Variants in CREBBP observed in about 807,000 individuals in gnomAD.
CREBBP encodes CREB-binding protein.
A neutral mutation model predicts 265.0 loss-of-function variants in CREBBP; 19 were observed. The observed-to-expected ratio is 0.07, with a 90% CI of 0.05 to 0.11. CREBBP has a LOEUF of 0.11. CREBBP is among the 10% of genes least tolerant of loss of function. CREBBP has a pLI of 1.00. For synonymous variants in CREBBP, 1,457 were observed against 1,223.7 expected (o/e 1.19, Z -3.98); for missense variants, 2,525 against 3,219.0 (o/e 0.78, Z 5.22).
Position 3,736,414 on chromosome 16 carries a change from G to GC in CREBBP, c.4561-212dup, listed in dbSNP as rs547004884. 7.4e-4 allele frequency: 548 copies of GC among 743,288 alleles called. 6 individuals carry two copies. In the African/African-American group the frequency reaches 8.5e-3, roughly 11 times the overall value. 46.0% of individuals were successfully genotyped at this position (743,288 alleles called of 1,614,324 possible). ...CTATGTGTGCAACAGTGATGCACAG[G>GC]CCCCAATGCCCACTGATGGAAACAG... is the stretch of plus-strand genomic sequence containing the variant. On this transcript the variant is annotated intron_variant, in intron 27 of 30. Coordinates refer to ENST00000262367, the MANE Select transcript of CREBBP (RefSeq NM_004380.3).
rs2151317962 is a variant in CREBBP, at chr16:3,731,523, A to G, written c.4891-50T>C. The G allele has an allele frequency of 6.4e-7, 1 of 1,553,740 alleles. No individual in the cohort carries two copies. The highest frequency in any genetic ancestry group is 8.7e-7 in the Non-Finnish European group (1 of 1,152,468). On this transcript the variant is annotated intron_variant, in intron 29 of 30. Transcript: ENST00000262367. This position sits in a 1 kb window ranked among gnomAD's most constrained non-coding sequence, Gnocchi z 7.7. The stretch of plus-strand genomic sequence containing the variant: ...CCCACACAAGGGACATGGCACCTCC[A>G]GTGGTGAGCTCAGGGCAGGCGCAGC...
At chr16:3,867,204 T>C (rs539508339) in intron 1 of CREBBP, among the ~76,000 whole-genome samples, 9 of 152,330 alleles carry the variant, frequency 5.9e-5, no homozygotes, top group African/African-American at 1.9e-4. Context: ...AACTTCTGTG[T>C]GAGCTGGCTG....
rs761108496 is a variant in CREBBP at position 3,851,028 on chromosome 16, T to C, written c.86-19A>G. On this transcript the variant is annotated intron_variant, in intron 1 of 30. Coordinates refer to ENST00000262367, the MANE Select transcript of CREBBP (RefSeq NM_004380.3). ...CCAAAATCTAGAAATTAAACAGAAA[T>C]GGAAATGAGAAACTAAGCAACCTTT... is the stretch of plus-strand genomic sequence containing the variant. The C allele has an allele frequency of 6.2e-7, 1 of 1,609,610 alleles. No individual in the cohort carries two copies. Among genetic ancestry groups the C allele is most frequent in the South Asian group, 1.1e-5 (1 of 90,946 alleles).
chr16:3,766,814 A>G (rs1422525311), intron 16 of CREBBP, among the ~76,000 whole-genome samples: 1 of 152,196 alleles, frequency 6.6e-6, no homozygotes, highest in Non-Finnish European at 1.5e-5. Flanking sequence ...GGTGTAAGCC[A>G]CTGTACTCAA....
intron 14 of CREBBP, among the ~76,000 whole-genome samples, chr16:3,769,998 G>A (rs921158645): frequency 1.3e-5 from 2 of 151,984 alleles, no homozygotes; most frequent in African/African-American, 4.8e-5. Context: ...AGCCTCCCGA[G>A]TAGCTGGGAA....
At chr16:3,849,430 T>C (rs1567360161) in intron 2 of CREBBP, among the ~76,000 whole-genome samples, 3 of 8,576 alleles carry the variant, frequency 3.5e-4, no homozygotes, top group African/African-American at 4.5e-4. Context: ...TGTGTGTGTG[T>C]GTGTGTGTGT....
chr16:3,728,205 GC>G lies in CREBBP; in HGVS notation c.6841del (p.Ala2281GlnfsTer21). 2 of 1,613,692 alleles carry G rather than the reference GC, an allele frequency of 1.2e-6. No individual in the cohort carries two copies. ...TTGCTGGATGTTGGGGGTGCTGTCT[GC>G]CCCCAGCCCCGGCTGCCCCATCTGG... The part of the protein sequence containing the change: ...LGQMGQPGLG[A>X]DSTPNIQQAL... On this transcript the variant is annotated frameshift_variant, in exon 31 of 31. Transcript: ENST00000262367. LOFTEE classifies it high-confidence loss of function. This position sits in a 1 kb window ranked among gnomAD's most constrained non-coding sequence, Gnocchi z 8.7.
intron 20 of CREBBP, among the ~76,000 whole-genome samples, chr16:3,750,276 A>C (rs553168531): frequency 6.6e-6 from 1 of 152,344 alleles, no homozygotes; most frequent in South Asian, 2.1e-4. Flanking sequence ...AAGGGAAATA[A>C]ATTGAAAATG....
chr16:3,871,195 T>TCA (rs201848866), intron 1 of CREBBP, among the ~76,000 whole-genome samples: 182 of 79,206 alleles, frequency 2.3e-3, no homozygotes, highest in Middle Eastern at 7.6e-3. Flanking sequence ...TCTCTCTCTC[T>TCA]CACTCACACA....
At chr16:3,735,920 T>C (rs1291731359) in intron 28 of CREBBP, 116 bp downstream of exon 28, 1 of 1,543,510 alleles carries the variant, frequency 6.5e-7, no homozygotes, top group Admixed American at 1.7e-5. Context: ...GACGTGCATG[T>C]GTGAACGGAG....
chr16:3,788,491 A>G (rs1032006029), intron 5 of CREBBP, among the ~76,000 whole-genome samples: 15 of 152,348 alleles, frequency 9.8e-5, no homozygotes, highest in African/African-American at 3.4e-4. Context: ...AAGCCCAGTC[A>G]ACCATGCCAC....
At chr16:3,773,382 T>C (rs561804479) in intron 13 of CREBBP, among the ~76,000 whole-genome samples, 2 of 152,316 alleles carry the variant, frequency 1.3e-5, no homozygotes, top group East Asian at 1.9e-4. Context: ...AGTGAATTCA[T>C]GGGTCCTTCT....
chr16:3,851,682 G>A (rs1426661769), intron 1 of CREBBP, among the ~76,000 whole-genome samples: 8 of 151,636 alleles, frequency 5.3e-5, no homozygotes, highest in Non-Finnish European at 7.4e-5. Flanking sequence ...GTGAAACCCC[G>A]TCTCTAGTAA....
In CREBBP at chr16:3,773,734, C is replaced by T. The variant is rs770030301; in HGVS notation, c.2463+17G>A. 9.9e-6 allele frequency: 16 copies of T among 1,612,990 alleles called. No homozygotes were observed. In the Admixed American group the frequency reaches 1.2e-4, roughly 12 times the overall value. The stretch of plus-strand genomic sequence containing the variant: ...TTTTATTTCCTAGGGAGCCACGGTC[C>T]CAGTGGGGCACAGTACCTGTGACAC... On this transcript the variant is annotated intron_variant, in intron 13 of 30. Coordinates refer to ENST00000262367, the MANE Select transcript of CREBBP (RefSeq NM_004380.3).
chr16:3,729,232 T>G lies in CREBBP; in HGVS notation c.5815A>C (p.Thr1939Pro), dbSNP rs2151308030. The G allele has an allele frequency of 1.3e-6, 2 of 1,528,448 alleles. No homozygotes were observed. The highest frequency in any genetic ancestry group is 4.9e-5 in the East Asian group (2 of 40,758). 94.7% of individuals were successfully genotyped at this position (1,528,448 alleles called of 1,614,324 possible). Residue 1939 changes from threonine to proline, a missense_variant, in exon 31 of 31, where the codon ACC (threonine) becomes CCC (proline). Around this residue, in one of 19 missense-constraint regions of CREBBP, gnomAD observed 275 missense variants for 276.5 expected, o/e 0.99. Transcript: ENST00000262367. ...GGTGGGGGGGCCGGCACCTGGCTGG[T>G]AGGCTTCCCTGTGGACACCGTGGTG... Reference protein sequence around the residue: ...PPTTVSTGKPTSQVPAPPPPA... With the variant: ...PPTTVSTGKPPSQVPAPPPPA...
chr16:3,831,478 C>G (rs1271180384), intron 2 of CREBBP, among the ~76,000 whole-genome samples: 1 of 151,918 alleles, frequency 6.6e-6, no homozygotes, highest in East Asian at 1.9e-4. Flanking sequence ...TTGGAAAAGT[C>G]TAAATAACCA....
chr16:3,879,371 G>A (rs2055473562), intron 1 of CREBBP, among the ~76,000 whole-genome samples: 1 of 152,158 alleles, frequency 6.6e-6, no homozygotes, highest in African/African-American at 2.4e-5. Context: ...AGTGTCCTCT[G>A]AATGCAGCCT....
chr16:3,852,203 G>A (rs1012295191), intron 1 of CREBBP, among the ~76,000 whole-genome samples: 3 of 111,346 alleles, frequency 2.7e-5, no homozygotes, highest in East Asian at 2.8e-4. Flanking sequence ...CTCGCTCTGC[G>A]GCCCAGGCTG....
intron 2 of CREBBP, among the ~76,000 whole-genome samples, chr16:3,831,493 T>C (rs113198082): frequency 0.05 from 7,627 of 152,098 alleles, 262 homozygotes; most frequent in Middle Eastern, 0.12. Context: ...TAACCAGTGA[T>C]ACAAACTTCT....
Sources: gnomAD v4.1 joint callset for allele counts (sites outside exome capture counted in the v4.1 genomes callset) on GRCh38, gnomAD v4.1.1 for gene constraint, gnomAD v4.1.1 regional missense constraint, Gnocchi (gnomAD v3.1) non-coding constraint, MANE v1.5 for transcripts, NCBI Gene and HGNC (gene_info 2026-07-23, HGNC 2026-07-21) for gene names.